VWA2: variants seen among roughly 807,000 people sequenced by gnomAD.
VWA2 encodes the protein von Willebrand factor A domain-containing protein 2.
In VWA2, 73 loss-of-function variants were observed where a neutral mutation model predicts 70.4. The observed-to-expected ratio is 1.04, with a 90% CI of 0.86 to 1.26. The LOEUF (loss-of-function observed/expected upper bound fraction) is 1.26, where lower values mean the gene tolerates loss of function less well. Among genes scored for constraint, VWA2 ranks in the 50% most tolerant of loss-of-function variants. VWA2 has a pLI of 0.00. For synonymous variants in VWA2, 407 were observed against 423.3 expected (o/e 0.96, Z 0.47); for missense variants, 1,011 against 998.5 (o/e 1.01, Z -0.17).
intron 4 of VWA2, among the ~76,000 whole-genome samples, chr10:114,259,176 T>G (rs1363496625): frequency 2.6e-5 from 4 of 152,228 alleles, no homozygotes; most frequent in Admixed American, 2.0e-4. Context: ...AGAATGCTTG[T>G]TTCACCCCGA....
intron 8 of VWA2, chr10:114,281,309 T>C (rs2133407246): frequency 6.6e-6 from 1 of 152,364 alleles, no homozygotes. Flanking sequence ...ACCGCTCCTG[T>C]GACAGCAGGG....
At position 114,289,406 on chromosome 10, in the gene VWA2, G is replaced by T. The variant is rs778570441; in HGVS notation, c.2039G>T (p.Gly680Val). Reference protein sequence around the residue: ...VLSEGLRRLAGPRDSLIHVAA... With the variant: ...VLSEGLRRLAVPRDSLIHVAA... ...AGTGAGGGTCTGCGGAGGCTTGCAG[G>T]TCCCCGGGATTCCCTGATCCACGTG... The change falls in exon 12 of 14, where the codon GGT (glycine) becomes GTT (valine). Residue 680 changes from glycine to valine, a missense_variant. Coordinates refer to ENST00000392982, the MANE Select transcript of VWA2 (RefSeq NM_001272046.2). 8 of 1,614,212 alleles carry T rather than the reference G, an allele frequency of 5.0e-6. No individual in the cohort carries two copies. The highest frequency in any genetic ancestry group is 6.8e-6 in the Non-Finnish European group (8 of 1,180,044).
intron 1 of VWA2, 96 bp from the exon 2 acceptor site, chr10:114,248,607 TG>T: frequency 9.5e-7 from 1 of 1,052,298 alleles, no homozygotes; most frequent in Non-Finnish European, 1.5e-6. Flanking sequence ...ATCTGTGACC[TG>T]GAAAAGGCTG....
At chr10:114,246,552 C>A in intron 1 of VWA2, 11 of 873,896 alleles carry the variant, frequency 1.3e-5, no homozygotes, top group Non-Finnish European at 1.7e-5. Flanking sequence ...AATTCACATT[C>A]CCTGACTGTA....
chr10:114,269,202 C>T (rs954093833), intron 5 of VWA2, among the ~76,000 whole-genome samples: 2 of 152,212 alleles, frequency 1.3e-5, no homozygotes, highest in African/African-American at 2.4e-5. Flanking sequence ...GTGCAGTGGG[C>T]AGCCTGGGCT....
At chr10:114,276,673 ATTTTTTTTTTT>A (rs34808735) in intron 6 of VWA2, among the ~76,000 whole-genome samples, 4 of 113,696 alleles carry the variant, frequency 3.5e-5, no homozygotes, top group South Asian at 2.7e-4. Context: ...ACACCCAGCA[ATTTTTTTTTTT>A]TTTTTTTTTT....
intron 6 of VWA2, among the ~76,000 whole-genome samples, chr10:114,274,001 A>C (rs1373592765): frequency 6.6e-6 from 1 of 152,222 alleles, no homozygotes; most frequent in Non-Finnish European, 1.5e-5. Context: ...TTTTGAGCAG[A>C]AACTTGAGTG....
At chr10:114,244,844 C>A (rs1040617958) in intron 1 of VWA2, among the ~76,000 whole-genome samples, 1 of 152,230 alleles carries the variant, frequency 6.6e-6, no homozygotes, top group Non-Finnish European at 1.5e-5. Flanking sequence ...TGCAATGATG[C>A]CCTGAAAGGG....
intron 11 of VWA2, among the ~76,000 whole-genome samples, chr10:114,288,176 T>C (rs2039142600): frequency 6.6e-6 from 1 of 152,228 alleles, no homozygotes; most frequent in Non-Finnish European, 1.5e-5. Flanking sequence ...TTCTGGCTCA[T>C]ACTTACTTGT....
At position 114,294,379 on chromosome 10, in the gene VWA2, G is replaced by C. The variant is rs2039876867; in HGVS notation, c.*3142G>C. ...AAATCTTGTCAGTATCTGTATTAAG[G>C]CCTCCATTTCAGTTCTGCTATTTCA... On this transcript the variant is annotated 3_prime_UTR_variant, in exon 14 of 14. Transcript: ENST00000392982. 6.6e-6 allele frequency among the ~76,000 whole-genome samples: 1 copy of C among 151,942 alleles called. No homozygotes were observed. The highest frequency in any genetic ancestry group is 1.9e-4 in the East Asian group (1 of 5,188).
chr10:114,261,339 G>C (rs2037441367), intron 5 of VWA2, 44 bp downstream of exon 5: 1 of 1,546,466 alleles, frequency 6.5e-7, no homozygotes, highest in African/African-American at 1.4e-5. Flanking sequence ...GACGCCAACT[G>C]CTCTTAAAAT....
chr10:114,248,503 T>C (rs2037123611), intron 1 of VWA2, among the ~76,000 whole-genome samples: 1 of 152,138 alleles, frequency 6.6e-6, no homozygotes, highest in African/African-American at 2.4e-5. Context: ...GATGTTAGCT[T>C]GGTGTCTAAA....
intron 4 of VWA2, among the ~76,000 whole-genome samples, chr10:114,256,186 A>T (rs1419174584): frequency 6.6e-6 from 1 of 152,220 alleles, no homozygotes; most frequent in Non-Finnish European, 1.5e-5. Context: ...ATGTGTATAA[A>T]CTGTAAAATA....
chr10:114,278,340 CT>C (rs1302769110), intron 7 of VWA2, among the ~76,000 whole-genome samples: 1 of 152,178 alleles, frequency 6.6e-6, no homozygotes, highest in Non-Finnish European at 1.5e-5. Context: ...TCTCCTCCCC[CT>C]GCCTTGGACC....
chr10:114,251,935 C>T, intron 2 of VWA2, among the ~76,000 whole-genome samples: 1 of 151,238 alleles, frequency 6.6e-6, no homozygotes, highest in Admixed American at 6.6e-5. Context: ...GATTCAACTG[C>T]CTCAGCCTCG....
intron 5 of VWA2, among the ~76,000 whole-genome samples, chr10:114,263,327 C>CCTT (rs1564720569): frequency 8.2e-6 from 1 of 121,738 alleles, no homozygotes; most frequent in Non-Finnish European, 1.7e-5. Context: ...GAATCTCCCC[C>CCTT]ATTTTTTTTT....
At chr10:114,279,453 T>G (rs1319642449) in intron 8 of VWA2, among the ~76,000 whole-genome samples, 1 of 152,170 alleles carries the variant, frequency 6.6e-6, no homozygotes, top group Non-Finnish European at 1.5e-5. Flanking sequence ...GGGCAGTGTT[T>G]GAATCAGCTG....
At chr10:114,242,248 G>A (rs2036985743) in intron 1 of VWA2, among the ~76,000 whole-genome samples, 1 of 152,262 alleles carries the variant, frequency 6.6e-6, no homozygotes, top group East Asian at 1.9e-4. Context: ...GTTTCATGGG[G>A]TCCTGGCGAC....
At position 114,272,950 on chromosome 10, in the gene VWA2, A is replaced by G; in HGVS notation, c.566+16A>G. The G allele has an allele frequency of 1.3e-6, 2 of 1,598,546 alleles. No homozygotes were observed. The highest frequency in any genetic ancestry group is 2.3e-5 in the South Asian group (2 of 88,052). On this transcript the variant is annotated intron_variant, in intron 6 of 13. Coordinates refer to ENST00000392982, the MANE Select transcript of VWA2 (RefSeq NM_001272046.2). The stretch of plus-strand genomic sequence containing the variant: ...GGTTTCCCAGGTAAGAGCCTCAGTC[A>G]CCCTGGATCAGCCCTCAGGTGGTCA...
Sources: allele counts gnomAD v4.1 joint callset (sites outside exome capture counted in the v4.1 genomes callset), GRCh38; gene constraint gnomAD v4.1.1; transcripts MANE v1.5; gene names NCBI Gene and HGNC (gene_info 2026-07-23, HGNC 2026-07-21).